The following GDAP1 variants were observed in gnomAD, a reference collection of about 807,000 sequenced individuals.
The protein encoded by GDAP1 is ganglioside induced differentiation associated protein 1.
GDAP1 carries 34 observed loss-of-function variants against 40.1 expected under a neutral mutation model. The observed-to-expected ratio is 0.85, with a 90% CI of 0.64 to 1.13. GDAP1 has a LOEUF of 1.13. GDAP1 is among the 50% of genes most tolerant of loss of function. The pLI is 0.00. For synonymous variants in GDAP1, 170 were observed against 157.4 expected, an observed-to-expected ratio of 1.08 and a Z score of -0.60; for missense variants, 374 against 433.7, an observed-to-expected ratio of 0.86 and a Z score of 1.22.
At chr8:74,472,153 T>C (rs1011768183) in intron 2 of GDAP1, among the ~76,000 whole-genome samples, 3 of 152,196 alleles carry the variant, frequency 2.0e-5, no homozygotes, top group African/African-American at 7.2e-5. Context: ...TGTGTTCTCA[T>C]CATTTAGCTC....
chr8:74,459,148 T>C (rs2131579176), intron 2 of GDAP1, among the ~76,000 whole-genome samples: 1 of 152,224 alleles, frequency 6.6e-6, no homozygotes. Context: ...TGGTGTGCTG[T>C]GCCAACACTT....
chr8:74,362,114 T>C lies in GDAP1; in HGVS notation c.579+136T>C, dbSNP rs1403874218. 6 of 679,134 alleles carry C rather than the reference T, an allele frequency of 8.8e-6. No homozygotes were observed. The Admixed American group carries it at 1.3e-4, about 15-fold the overall frequency. The allele number at this position is 679,134 out of a possible 1,614,324, so 42.1% of individuals were successfully genotyped here. Reference sequence around the variant, plus strand: ...CAGTACACATGTTACCTTTGGCTTATGTTCTCCTTTTAGAAAGAATTTTTT... The same window carrying C: ...CAGTACACATGTTACCTTTGGCTTACGTTCTCCTTTTAGAAAGAATTTTTT... On this transcript the variant is annotated intron_variant, in intron 4 of 5. Transcript: ENST00000220822.
chr8:74,420,704 G>A (rs1397994477), intron 2 of GDAP1, among the ~76,000 whole-genome samples: 1 of 152,080 alleles, frequency 6.6e-6, no homozygotes. Context: ...TAAAGACAAC[G>A]AACATCAGTT....
intron 2 of GDAP1, among the ~76,000 whole-genome samples, chr8:74,482,727 A>G (rs958310553): frequency 1.3e-5 from 2 of 152,178 alleles, no homozygotes; most frequent in African/African-American, 4.8e-5. Context: ...TGAGAAAGGC[A>G]CACTTACTGG....
intron 2 of GDAP1, among the ~76,000 whole-genome samples, chr8:74,387,919 T>C (rs531876452): frequency 6.6e-6 from 1 of 152,136 alleles, no homozygotes; most frequent in South Asian, 2.1e-4. Context: ...GGAGGGTGTA[T>C]GTGTCAAGGA....
At chr8:74,380,502 CTT>C (rs5892455) in intron 2 of GDAP1, among the ~76,000 whole-genome samples, 28,384 of 149,012 alleles carry the variant, frequency 0.19, 2,926 homozygotes, top group Admixed American at 0.32. Flanking sequence ...CCTACAGAGT[CTT>C]TTTTTTTTTT....
intron 2 of GDAP1, among the ~76,000 whole-genome samples, chr8:74,357,056 T>G (rs1030881575): frequency 1.3e-5 from 2 of 152,126 alleles, no homozygotes; most frequent in Non-Finnish European, 2.9e-5. Context: ...TGTGACTAGT[T>G]GAAGGGTACA....
chr8:74,435,651 G>GT (rs1806079832), intron 2 of GDAP1, among the ~76,000 whole-genome samples: 1 of 152,184 alleles, frequency 6.6e-6, no homozygotes, highest in Non-Finnish European at 1.5e-5. Flanking sequence ...AGATCAAAGA[G>GT]TAAGAATCTT....
intron 2 of GDAP1, among the ~76,000 whole-genome samples, chr8:74,486,141 G>A (rs1174114129): frequency 3.3e-5 from 5 of 152,140 alleles, no homozygotes; most frequent in Non-Finnish European, 7.3e-5. Flanking sequence ...GTCATAGGAC[G>A]GAATGAACAG....
chr8:74,374,916 TG>T (rs1478734107), intron 2 of GDAP1, among the ~76,000 whole-genome samples: 1 of 152,202 alleles, frequency 6.6e-6, no homozygotes, highest in African/African-American at 2.4e-5. Flanking sequence ...CTATCATGTA[TG>T]AAGTGAGAAA....
At chr8:74,420,166 A>C (rs1805837331) in intron 2 of GDAP1, among the ~76,000 whole-genome samples, 1 of 152,114 alleles carries the variant, frequency 6.6e-6, no homozygotes, top group Non-Finnish European at 1.5e-5. Flanking sequence ...AAATTTGAAG[A>C]CTGGCTTTTT....
At chr8:74,370,336 A>G (rs1221718682), downstream of GDAP1, among the ~76,000 whole-genome samples, 2 of 152,372 alleles carry the variant, frequency 1.3e-5, no homozygotes, top group East Asian at 3.9e-4. Flanking sequence ...GAATGGAATT[A>G]CACTATTGTA....
intron 2 of GDAP1, among the ~76,000 whole-genome samples, chr8:74,481,831 A>T (rs955870397): frequency 6.6e-6 from 1 of 152,214 alleles, no homozygotes; most frequent in Non-Finnish European, 1.5e-5. Context: ...AACTGCTGGG[A>T]AAATACCCAA....
At chr8:74,363,860 A>G (rs1809488091) in intron 5 of GDAP1, 125 bp from the exon 6 acceptor site, 1 of 777,608 alleles carries the variant, frequency 1.3e-6, no homozygotes, top group African/African-American at 1.7e-5. Flanking sequence ...AAGAAAATAA[A>G]TATATAATGT....
rs150541066 is a variant in GDAP1 at position 74,419,111 on chromosome 8, A to G, written c.165+67790A>G. Among the ~76,000 whole-genome samples, 79 of 152,330 alleles carry G rather than the reference A, an allele frequency of 5.2e-4. No individual in the cohort carries two copies. In the Middle Eastern group the frequency reaches 0.01, roughly 20 times the overall value. On this transcript the variant is annotated intron_variant, in intron 2 of 2. Transcript: ENST00000523640. ...CAAGATGGTGTAGTCACTCTGAAAC[A>G]TTCTTCGGCAGTTTCTTATAGTTAA...
At chr8:74,437,338 G>A (rs919590530) in intron 2 of GDAP1, among the ~76,000 whole-genome samples, 2 of 152,142 alleles carry the variant, frequency 1.3e-5, no homozygotes, top group South Asian at 2.1e-4. Context: ...GTTACCAGTC[G>A]CAGTAAAGCT....
intron 2 of GDAP1, among the ~76,000 whole-genome samples, chr8:74,373,904 G>T (rs968367821): frequency 2.0e-5 from 3 of 152,088 alleles, no homozygotes; most frequent in African/African-American, 4.8e-5. Context: ...TGTCATAAAT[G>T]GCTCTTATTA....
chr8:74,376,396 T>A (rs1809852321), intron 2 of GDAP1, among the ~76,000 whole-genome samples: 1 of 148,778 alleles, frequency 6.7e-6, no homozygotes, highest in Non-Finnish European at 1.5e-5. Flanking sequence ...TTGCCCAGGC[T>A]GGAGTGCAGT....
chr8:74,409,391 G>A lies in GDAP1; in HGVS notation c.165+58070G>A, dbSNP rs541055741. Among the ~76,000 whole-genome samples, 21 of 149,392 alleles carry A rather than the reference G, an allele frequency of 1.4e-4. 1 individual carries two copies. Among genetic ancestry groups the A allele is most frequent in the African/African-American group, 2.8e-4 (11 of 38,966 alleles). On this transcript the variant is annotated intron_variant, in intron 2 of 2. Transcript: ENST00000523640. ...TTCTGAGACAGAGTCTTACTCTGTC[G>A]CCCAGACTGGAGTGCAGTGGTGCGA...
Sources: gnomAD v4.1 joint callset for allele counts (sites outside exome capture counted in the v4.1 genomes callset) on GRCh38, gnomAD v4.1.1 for gene constraint, MANE v1.5 for transcripts, NCBI Gene and HGNC (gene_info 2026-07-23, HGNC 2026-07-21) for gene names.